Variants in ROBO1 observed in about 807,000 individuals in gnomAD.
ROBO1 encodes the protein roundabout guidance receptor 1.
ROBO1 carries 149 observed loss-of-function variants against 195.9 expected under a neutral mutation model. The observed-to-expected ratio is 0.76, with a 90% CI of 0.67 to 0.87. The LOEUF is 0.87. ROBO1 is among the 40% of genes least tolerant of loss of function. The pLI is 0.00. For synonymous variants in ROBO1, 816 were observed against 733.2 expected, an observed-to-expected ratio of 1.11 and a Z score of -1.82; for missense variants, 1,933 against 2,068.3, an observed-to-expected ratio of 0.93 and a Z score of 1.27.
intron 3 of ROBO1, among the ~76,000 whole-genome samples, chr3:79,060,705 C>G (rs2078900812): frequency 6.6e-6 from 1 of 152,018 alleles, no homozygotes; most frequent in Admixed American, 6.6e-5. Context: ...ATATGCAAAT[C>G]AACAAATGTA....
intron 2 of ROBO1, among the ~76,000 whole-genome samples, chr3:79,418,982 A>T (rs779086166): frequency 1.3e-5 from 2 of 152,040 alleles, no homozygotes; most frequent in African/African-American, 4.8e-5. Flanking sequence ...TCTTCAGTCC[A>T]GGAGTGAAAA....
At chr3:79,026,545 G>T (rs1431684063) in intron 3 of ROBO1, among the ~76,000 whole-genome samples, 1 of 151,830 alleles carries the variant, frequency 6.6e-6, no homozygotes, top group East Asian at 1.9e-4. Flanking sequence ...TGTTCAAAGT[G>T]GTTTCATGTT....
chr3:79,747,958 A>C (rs1366983287), intron 1 of ROBO1, among the ~76,000 whole-genome samples: 1 of 152,114 alleles, frequency 6.6e-6, no homozygotes, highest in Non-Finnish European at 1.5e-5. Flanking sequence ...AATTATTTGT[A>C]ATATGGTTGA....
At chr3:78,753,368 A>G (rs1293902467) in intron 4 of ROBO1, among the ~76,000 whole-genome samples, 1 of 152,116 alleles carries the variant, frequency 6.6e-6, no homozygotes, top group Non-Finnish European at 1.5e-5. Flanking sequence ...CATCATAATG[A>G]CACTTCCTGT....
chr3:78,960,507 G>A (rs1252440724), intron 3 of ROBO1, among the ~76,000 whole-genome samples: 1 of 151,968 alleles, frequency 6.6e-6, no homozygotes, highest in Non-Finnish European at 1.5e-5. Flanking sequence ...GGGTCCGGGT[G>A]TGGTGGCTCA....
At chr3:79,222,957 A>G (rs949906051) in intron 2 of ROBO1, among the ~76,000 whole-genome samples, 19 of 152,212 alleles carry the variant, frequency 1.2e-4, no homozygotes, top group Non-Finnish European at 1.6e-4. Flanking sequence ...TGTCACAGCT[A>G]TCTGTCCGCA....
At chr3:78,626,542 G>A (rs1033232452) in intron 26 of ROBO1, among the ~76,000 whole-genome samples, 7 of 152,086 alleles carry the variant, frequency 4.6e-5, no homozygotes, top group African/African-American at 1.7e-4. Context: ...ATGATATTAG[G>A]AATACAGAAA....
chr3:79,330,544 G>A (rs2034399616), intron 2 of ROBO1, among the ~76,000 whole-genome samples: 1 of 150,998 alleles, frequency 6.6e-6, no homozygotes, highest in Non-Finnish European at 1.5e-5. Flanking sequence ...AATTTTTATT[G>A]GAACACAGAA....
At chr3:79,199,080 T>C (rs948362991) in intron 2 of ROBO1, among the ~76,000 whole-genome samples, 1 of 151,978 alleles carries the variant, frequency 6.6e-6, no homozygotes, top group African/African-American at 2.4e-5. Context: ...ACAGGAGTGG[T>C]GAGAGAGGGC....
intron 2 of ROBO1, among the ~76,000 whole-genome samples, chr3:79,203,645 A>G (rs2081809923): frequency 6.6e-6 from 1 of 152,190 alleles, no homozygotes; most frequent in Non-Finnish European, 1.5e-5. Flanking sequence ...AAGGAATTCA[A>G]TTTAACTCAT....
chr3:78,960,792 ACACACACACACACAC>A (rs1560051771), intron 3 of ROBO1, among the ~76,000 whole-genome samples: 2 of 137,024 alleles, frequency 1.5e-5, no homozygotes, highest in African/African-American at 2.9e-5. Context: ...ACACACACAC[ACACACACACACACAC>A]ACACACACAC....
At chr3:79,081,490 G>A (rs923394836) in intron 3 of ROBO1, among the ~76,000 whole-genome samples, 2 of 152,092 alleles carry the variant, frequency 1.3e-5, no homozygotes, top group African/African-American at 4.8e-5. Flanking sequence ...GTCTGTTCGG[G>A]GCTTCTGTTG....
chr3:79,535,922 C>T (rs971895709), intron 2 of ROBO1, among the ~76,000 whole-genome samples: 3 of 151,982 alleles, frequency 2.0e-5, no homozygotes, highest in African/African-American at 4.8e-5. Context: ...TATTTGTATG[C>T]ATTTATTGCA....
chr3:79,019,070 A>C (rs1289704285), intron 3 of ROBO1: 1 of 989,560 alleles, frequency 1.0e-6, no homozygotes, highest in South Asian at 4.7e-5. Context: ...GTGCGGCGAC[A>C]GCGGCTGCCT....
At chr3:79,478,211 G>A (rs1176240837) in intron 2 of ROBO1, among the ~76,000 whole-genome samples, 1 of 152,128 alleles carries the variant, frequency 6.6e-6, no homozygotes, top group Non-Finnish European at 1.5e-5. Context: ...TAGTATTTCT[G>A]ATTAGGAAAG....
intron 2 of ROBO1, among the ~76,000 whole-genome samples, chr3:79,253,215 C>T (rs141674630): frequency 5.3e-5 from 8 of 152,122 alleles, no homozygotes; most frequent in Non-Finnish European, 1.0e-4. Context: ...GTGTTAGTGT[C>T]GAAGTATACA....
At chr3:79,128,803 G>GT (rs2080266685) in intron 2 of ROBO1, among the ~76,000 whole-genome samples, 1 of 152,022 alleles carries the variant, frequency 6.6e-6, no homozygotes, top group Admixed American at 6.6e-5. Flanking sequence ...ATTAAGTCTT[G>GT]TTTTTTAAAT....
At chr3:79,766,368 T>C (rs1704989544) in intron 1 of ROBO1, among the ~76,000 whole-genome samples, 1 of 151,438 alleles carries the variant, frequency 6.6e-6, no homozygotes, top group Non-Finnish European at 1.5e-5. Context: ...ACACTAAGGA[T>C]ATTTGAGTAG....
At chr3:79,590,219 A>AT (rs1339678008) in intron 1 of ROBO1, among the ~76,000 whole-genome samples, 2 of 151,696 alleles carry the variant, frequency 1.3e-5, no homozygotes, top group African/African-American at 4.8e-5. Context: ...GGTTTTCTCT[A>AT]TTTTTTAGAG....
Sources: gnomAD v4.1 joint callset for allele counts (sites outside exome capture counted in the v4.1 genomes callset) on GRCh38, gnomAD v4.1.1 for gene constraint, MANE v1.5 for transcripts, NCBI Gene and HGNC (gene_info 2026-07-23, HGNC 2026-07-21) for gene names.